CRLS1: variants seen among roughly 807,000 people sequenced by gnomAD.
The protein encoded by CRLS1 is cardiolipin synthase 1, also known as cardiolipin synthase (CMP-forming).
CRLS1 carries 24 observed loss-of-function variants against 37.0 expected under a neutral mutation model. The observed-to-expected ratio is 0.65, with a 90% CI of 0.47 to 0.91. CRLS1 has a LOEUF of 0.91. Among genes scored for constraint, CRLS1 ranks in the 40% least tolerant of loss-of-function variants. The pLI is 0.00. For missense variants in CRLS1, 373 were observed against 395.8 expected, an observed-to-expected ratio of 0.94 and a Z score of 0.49; for synonymous variants, 135 against 159.7, an observed-to-expected ratio of 0.85 and a Z score of 1.17.
chr20:6,011,728 G>A (rs1164264688), intron 2 of CRLS1, among the ~76,000 whole-genome samples: 3 of 150,474 alleles, frequency 2.0e-5, no homozygotes, highest in Admixed American at 6.6e-5. Flanking sequence ...TGGGATTACT[G>A]GCATGCACCA....
chr20:6,036,936 A>G (rs1333989733), intron 6 of CRLS1, 138 bp from the exon 7 acceptor site: 6 of 583,028 alleles, frequency 1.0e-5, no homozygotes, highest in Middle Eastern at 4.8e-4. Context: ...TAGTTAAGAA[A>G]AATTACACCA....
At chr20:6,012,854 A>G (rs1978437476) in intron 2 of CRLS1, among the ~76,000 whole-genome samples, 1 of 152,214 alleles carries the variant, frequency 6.6e-6, no homozygotes, top group South Asian at 2.1e-4. Flanking sequence ...CTGGGAAGGA[A>G]TAGCTGGCGA....
Position 6,037,185 on chromosome 20 carries a change from G to T in CRLS1, c.*27G>T, listed in dbSNP as rs372997687. ...GAAAGTCATCCCTCACTGTTAGTAAGGAAGCAGTATACATCAATGGGAACA... is the reference window on the plus strand; with the variant it reads ...GAAAGTCATCCCTCACTGTTAGTAATGAAGCAGTATACATCAATGGGAACA... On this transcript the variant is annotated 3_prime_UTR_variant, in exon 7 of 7. Coordinates refer to ENST00000378863, the MANE Select transcript of CRLS1 (RefSeq NM_019095.6). 6.4e-7 allele frequency: 1 copy of T among 1,550,452 alleles called. No individual in the cohort carries two copies. The highest frequency in any genetic ancestry group is 1.4e-5 in the African/African-American group (1 of 73,686).
intron 3 of CRLS1, among the ~76,000 whole-genome samples, chr20:6,021,345 G>A (rs1014428484): frequency 2.0e-5 from 3 of 152,170 alleles, no homozygotes. Flanking sequence ...GGGATTATGG[G>A]TGTGAGCCTC....
In CRLS1 at chr20:6,037,128, C is replaced by T; in HGVS notation, c.876C>T (p.Gly292=). ...CAGCTTATAGTTACTATCATTATGG[C>T]CGGAAGACTGTTCAGGTGATAAAAG... ...AASAYSYYHY[G]RKTVQVIKD The change falls in exon 7 of 7, where the codon GGC becomes GGT. Residue 292 remains glycine, a synonymous_variant. Coordinates refer to ENST00000378863, the MANE Select transcript of CRLS1 (RefSeq NM_019095.6). 6.2e-7 allele frequency: 1 copy of T among 1,613,384 alleles called. No homozygotes were observed. Among genetic ancestry groups the T allele is most frequent in the South Asian group, 1.1e-5 (1 of 91,038 alleles).
chr20:6,019,691 C>CT lies in CRLS1; in HGVS notation c.574+4220dup, dbSNP rs146083457. Among the ~76,000 whole-genome samples, 292 of 120,228 alleles carry CT rather than the reference C, an allele frequency of 2.4e-3. 4 individuals carry two copies. The highest frequency in any genetic ancestry group is 0.024 in the East Asian group (100 of 4,190). The allele number at this position is 120,228 out of a possible 152,430, so 78.9% of individuals were successfully genotyped here. A position where few individuals can be genotyped will look rare whatever the true frequency, so the allele number is the denominator to read the frequency against. ...TTCTTTGCTGTTCTTTTTCGAAATT[C>CT]TTTTTTTTTTTTTTTTTTTGAGTGC... On this transcript the variant is annotated intron_variant, in intron 3 of 6. Transcript: ENST00000378863.
Position 6,031,340 on chromosome 20 carries a change from T to C in CRLS1, c.630T>C (p.Phe210=). The change falls in exon 4 of 7, where the codon TTT becomes TTC. Residue 210 remains phenylalanine (F), a synonymous_variant. Transcript: ENST00000378863. ...SRDVMLIAAV[F]YVRYRTLPTP... ...ATGTAATGTTGATTGCTGCTGTTTT[T>C]TATGTCAGATACCGAACTCTTCCAA... is the stretch of plus-strand genomic sequence containing the variant. 1 of 1,610,222 alleles carries C rather than the reference T, an allele frequency of 6.2e-7. No homozygotes were observed. Among genetic ancestry groups the C allele is most frequent in the East Asian group, 2.2e-5 (1 of 44,782 alleles).
intron 3 of CRLS1, among the ~76,000 whole-genome samples, chr20:6,022,231 G>A (rs1371928488): frequency 2.0e-5 from 3 of 150,546 alleles, no homozygotes; most frequent in Non-Finnish European, 4.4e-5. Flanking sequence ...TTTTTGTTAT[G>A]TATAGAATTC....
In CRLS1 at chr20:6,015,380, G is replaced by C; in HGVS notation, c.464G>C (p.Arg155Pro). ...TTTCAGTTGGATGGATTTATTGCTC[G>C]AAACTGGGCCAATCAAAGATCAGCT... ...LTDLLDGFIARNWANQRSALG... is the reference protein window; with the variant it reads ...LTDLLDGFIAPNWANQRSALG... Residue 155 changes from arginine (R) to proline (P), a missense_variant, in exon 3 of 7, where the codon CGA becomes CCA. By Grantham distance (103) the Arg-to-Pro change is moderately radical. Transcript: ENST00000378863. The C allele has an allele frequency of 6.3e-7, 1 of 1,599,046 alleles. No individual in the cohort carries two copies. Among genetic ancestry groups the C allele is most frequent in the Non-Finnish European group, 8.5e-7 (1 of 1,172,002 alleles).
chr20:6,023,246 T>C (rs1363179589), intron 3 of CRLS1: 1 of 152,230 alleles, frequency 6.6e-6, no homozygotes, highest in East Asian at 1.9e-4. Context: ...TTCTGTTGAT[T>C]CTTACTCATG....
chr20:6,010,571 T>A (rs971958006), intron 2 of CRLS1, among the ~76,000 whole-genome samples: 1 of 152,244 alleles, frequency 6.6e-6, no homozygotes, highest in African/African-American at 2.4e-5. Flanking sequence ...TCCTTGATAC[T>A]ACATTGTTAG....
At chr20:6,011,410 A>G (rs913855069) in intron 2 of CRLS1, among the ~76,000 whole-genome samples, 2 of 151,970 alleles carry the variant, frequency 1.3e-5, no homozygotes, top group Non-Finnish European at 2.9e-5. Context: ...TGGAGTGCAG[A>G]CAAAAGAGAG....
intron 1 of CRLS1, among the ~76,000 whole-genome samples, chr20:6,007,794 T>G (rs1295996880): frequency 6.6e-6 from 1 of 152,244 alleles, no homozygotes; most frequent in African/African-American, 2.4e-5. Context: ...AACAGACTTA[T>G]CTTTTTTCTT....
At chr20:6,012,510 CAA>C (rs1392895737) in intron 2 of CRLS1, among the ~76,000 whole-genome samples, 1 of 151,850 alleles carries the variant, frequency 6.6e-6, no homozygotes, top group Admixed American at 6.6e-5. Context: ...TGGGAGGAGT[CAA>C]ATATGAATAC....
At position 6,019,893 on chromosome 20, in the gene CRLS1, A is replaced by G. The variant is rs147263528; in HGVS notation, c.574+4403A>G. Among the ~76,000 whole-genome samples, 942 of 151,298 alleles carry G rather than the reference A, an allele frequency of 6.2e-3. 6 individuals carry two copies. The highest frequency in any genetic ancestry group is 0.022 in the African/African-American group (903 of 41,244). ...TGGCCAGGCTGGCCTCGAACTCCTC[A>G]CCTCAGGTGATCCTGAAGTGATCCT... On this transcript the variant is annotated intron_variant, in intron 3 of 6. Coordinates refer to ENST00000378863, the MANE Select transcript of CRLS1 (RefSeq NM_019095.6).
intron 6 of CRLS1, among the ~76,000 whole-genome samples, chr20:6,035,075 C>T (rs569663354): frequency 4.1e-4 from 63 of 152,214 alleles, no homozygotes; most frequent in South Asian, 2.5e-3. Context: ...TTTCAGAGTT[C>T]AAAATAGTCA....
chr20:6,018,771 A>G (rs1448062058), intron 3 of CRLS1, among the ~76,000 whole-genome samples: 1 of 152,144 alleles, frequency 6.6e-6, no homozygotes. Context: ...AATTTTATCA[A>G]ACTCCTTTTG....
chr20:6,027,621 GCCAGGCTGGTCTCGAACT>G (rs1312225833), intron 3 of CRLS1, among the ~76,000 whole-genome samples: 8 of 148,590 alleles, frequency 5.4e-5, no homozygotes, highest in Non-Finnish European at 6.0e-5. Flanking sequence ...TGCCATGTTG[GCCAGGCTGGTCTCGAACT>G]CTTGGCCTCA....
intron 2 of CRLS1, among the ~76,000 whole-genome samples, chr20:6,012,116 T>G (rs1332156506): frequency 6.6e-6 from 1 of 152,072 alleles, no homozygotes; most frequent in Non-Finnish European, 1.5e-5. Flanking sequence ...ACTAAATATA[T>G]AAGATGATGT....
Sources: gnomAD v4.1 joint callset for allele counts (sites outside exome capture counted in the v4.1 genomes callset) on GRCh38, gnomAD v4.1.1 for gene constraint, MANE v1.5 for transcripts, NCBI Gene and HGNC (gene_info 2026-07-23, HGNC 2026-07-21) for gene names.